GALNT17: variants seen among roughly 807,000 people sequenced by gnomAD.
GALNT17 encodes UDP-GalNAc:polypeptide N-acetylgalactosaminyltransferase-like 3.
A neutral mutation model predicts 63.7 loss-of-function variants in GALNT17; 29 were observed. The observed-to-expected ratio is 0.46, with a 90% CI of 0.34 to 0.62. The LOEUF (loss-of-function observed/expected upper bound fraction) is 0.62, where lower values mean the gene tolerates loss of function less well. GALNT17 is among the 20% of genes least tolerant of loss of function. The pLI is 0.01. For missense variants in GALNT17, 603 were observed against 799.6 expected (o/e 0.75, Z 2.97); for synonymous variants, 305 against 318.3 (o/e 0.96, Z 0.45).
chr7:71,398,369 C>A (rs188370238), intron 3 of GALNT17, among the ~76,000 whole-genome samples: 24 of 151,836 alleles, frequency 1.6e-4, no homozygotes, highest in Non-Finnish European at 2.5e-4. Flanking sequence ...TTTATTCTTC[C>A]CTTCTATCCA....
chr7:71,509,118 C>T (rs1190692285), intron 5 of GALNT17, among the ~76,000 whole-genome samples: 2 of 152,184 alleles, frequency 1.3e-5, no homozygotes, highest in African/African-American at 2.4e-5. Context: ...CAGTAGAATC[C>T]GTACTTCGAG....
At chr7:71,319,447 G>A (rs563937271) in intron 1 of GALNT17, among the ~76,000 whole-genome samples, 7 of 151,910 alleles carry the variant, frequency 4.6e-5, no homozygotes, top group African/African-American at 1.7e-4. Flanking sequence ...GTGTGTCCAG[G>A]GCTCAGTATT....
intron 2 of GALNT17, among the ~76,000 whole-genome samples, chr7:71,337,278 A>C (rs1791924754): frequency 6.6e-6 from 1 of 152,044 alleles, no homozygotes; most frequent in African/African-American, 2.4e-5. Context: ...GGTTATTTTC[A>C]ATTTTTCATT....
chr7:71,426,112 C>T (rs929155413), intron 5 of GALNT17, among the ~76,000 whole-genome samples: 10 of 152,170 alleles, frequency 6.6e-5, no homozygotes, highest in Admixed American at 6.5e-5. Context: ...CAATCACCTC[C>T]CACCAGGCCC....
chr7:71,159,823 C>A (rs1449202732), intron 1 of GALNT17, among the ~76,000 whole-genome samples: 1 of 151,172 alleles, frequency 6.6e-6, no homozygotes, highest in Non-Finnish European at 1.5e-5. Flanking sequence ...ACTCTGTCAC[C>A]CAGTCTGGGG....
At chr7:71,289,175 CCT>C (rs1790931740) in intron 1 of GALNT17, among the ~76,000 whole-genome samples, 1 of 150,936 alleles carries the variant, frequency 6.6e-6, no homozygotes, top group African/African-American at 2.4e-5. Flanking sequence ...TAAGGTTATT[CCT>C]CTCTGTGCAG....
At chr7:71,201,257 A>ATATATATAT (rs10526171) in intron 1 of GALNT17, among the ~76,000 whole-genome samples, 5 of 148,172 alleles carry the variant, frequency 3.4e-5, no homozygotes, top group Non-Finnish European at 5.9e-5. Flanking sequence ...ATATATATAT[A>ATATATATAT]ATTTGTGTGT....
At chr7:71,180,142 T>C (rs1476051814) in intron 1 of GALNT17, among the ~76,000 whole-genome samples, 3 of 152,188 alleles carry the variant, frequency 2.0e-5, no homozygotes, top group Admixed American at 1.3e-4. Context: ...TACTTTTTTT[T>C]TGAGATGGAG....
intron 6 of GALNT17, among the ~76,000 whole-genome samples, chr7:71,615,689 G>A (rs1173666344): frequency 1.3e-5 from 2 of 152,016 alleles, no homozygotes; most frequent in Non-Finnish European, 1.5e-5. Context: ...TTTTGGCCAG[G>A]CTGGTCTCCA....
chr7:71,417,996 A>G (rs908511264), intron 4 of GALNT17, among the ~76,000 whole-genome samples: 1 of 152,146 alleles, frequency 6.6e-6, no homozygotes. Context: ...GCTGGAACTC[A>G]TTCTTTTGGC....
At chr7:71,510,241 C>G (rs7800470) in intron 5 of GALNT17, among the ~76,000 whole-genome samples, 90,497 of 152,100 alleles carry the variant, frequency 0.59, 28,402 homozygotes, top group Non-Finnish European at 0.72. Context: ...GCCACTGCAC[C>G]TGGCCCCTGA....
At chr7:71,338,077 C>T (rs1017156688) in intron 2 of GALNT17, among the ~76,000 whole-genome samples, 4 of 151,936 alleles carry the variant, frequency 2.6e-5, no homozygotes, top group Admixed American at 2.0e-4. Context: ...CCTGTAATCC[C>T]AGCACTTTGG....
chr7:71,340,230 C>T (rs1474260008), intron 2 of GALNT17, among the ~76,000 whole-genome samples: 1 of 152,188 alleles, frequency 6.6e-6, no homozygotes, highest in African/African-American at 2.4e-5. Context: ...TCTGCACAGC[C>T]AGAGACTGCC....
At chr7:71,257,167 C>A (rs748709491) in intron 1 of GALNT17, among the ~76,000 whole-genome samples, 1 of 152,178 alleles carries the variant, frequency 6.6e-6, no homozygotes, top group Non-Finnish European at 1.5e-5. Flanking sequence ...TGAACAACTT[C>A]AATCTGTTCT....
intron 1 of GALNT17, among the ~76,000 whole-genome samples, chr7:71,157,119 G>C (rs1346281312): frequency 1.3e-5 from 2 of 151,644 alleles, no homozygotes; most frequent in Admixed American, 6.6e-5. Flanking sequence ...ACTGTGCATG[G>C]TTCAACACCC....
At chr7:71,377,286 A>G (rs1792760949) in intron 2 of GALNT17, among the ~76,000 whole-genome samples, 1 of 151,148 alleles carries the variant, frequency 6.6e-6, no homozygotes, top group South Asian at 2.1e-4. Context: ...TGGAAAAGCA[A>G]CTCTTTATGA....
At chr7:71,232,200 G>C (rs1204682174) in intron 1 of GALNT17, among the ~76,000 whole-genome samples, 4 of 152,190 alleles carry the variant, frequency 2.6e-5, no homozygotes, top group South Asian at 2.1e-4. Flanking sequence ...CCTTCTCTCT[G>C]AGGGGATCTG....
At chr7:71,193,697 C>G (rs1341158961) in intron 1 of GALNT17, among the ~76,000 whole-genome samples, 1 of 151,846 alleles carries the variant, frequency 6.6e-6, no homozygotes, top group East Asian at 1.9e-4. Context: ...CCATATGCTA[C>G]TGTGATTCTG....
In GALNT17 at chr7:71,377,114, A is replaced by AAAAAAAATAT; in HGVS notation, c.423-11120_423-11119insAAAAAATATA. Among the ~76,000 whole-genome samples, 36 of 57,446 alleles carry AAAAAAAATAT rather than the reference A, an allele frequency of 6.3e-4. 2 individuals carry two copies. The highest frequency in any genetic ancestry group is 1.0e-3 in the Admixed American group (4 of 3,984). 37.7% of individuals were successfully genotyped at this position (57,446 alleles called of 152,430 possible). On this transcript the variant is annotated intron_variant, in intron 2 of 10. Coordinates refer to ENST00000333538, the MANE Select transcript of GALNT17 (RefSeq NM_022479.3). ...AAAAAAAAAAAATAAAAATAAAAAA[A>AAAAAAAATAT]ATATATATATATATATATATATATA...
Sources: gnomAD v4.1 joint callset for allele counts (sites outside exome capture counted in the v4.1 genomes callset) on GRCh38, gnomAD v4.1.1 for gene constraint, MANE v1.5 for transcripts, NCBI Gene and HGNC (gene_info 2026-07-23, HGNC 2026-07-21) for gene names.